ARHGEF4: variants seen among roughly 807,000 people sequenced by gnomAD.
ARHGEF4 encodes the protein APC-stimulated guanine nucleotide exchange factor 1.
A neutral mutation model predicts 162.0 loss-of-function variants in ARHGEF4; 119 were observed. The ratio of observed to expected loss-of-function variants is 0.73; its 90% CI spans 0.63 to 0.86. ARHGEF4 has a LOEUF of 0.86. Among genes scored for constraint, ARHGEF4 ranks in the 40% least tolerant of loss-of-function variants. The probability of loss-of-function intolerance (pLI) is 0.00; values close to 1 mark genes in which losing one functional copy is unlikely to be tolerated. For synonymous variants in ARHGEF4, 1,014 were observed against 979.9 expected (o/e 1.03, Z -0.65); for missense variants, 2,488 against 2,456.0 (o/e 1.01, Z -0.28).
At chr2:131,045,215 T>A (rs1004375085) in intron 12 of ARHGEF4, among the ~76,000 whole-genome samples, 154 bp from the exon 13 acceptor site, 1 of 152,194 alleles carries the variant, frequency 6.6e-6, no homozygotes, top group African/African-American at 2.4e-5. Flanking sequence ...CAAGGCAGGC[T>A]GACTGTGCAG....
intron 3 of ARHGEF4, among the ~76,000 whole-genome samples, chr2:130,935,595 T>C (rs1185574478): frequency 2.6e-5 from 4 of 152,226 alleles, no homozygotes; most frequent in African/African-American, 7.2e-5. Flanking sequence ...TCTCACAGTA[T>C]TTTCTAATTT....
chr2:130,892,243 G>C lies in ARHGEF4; in HGVS notation c.40-21743G>C, dbSNP rs369416264. Among the ~76,000 whole-genome samples, 46 of 152,326 alleles carry C rather than the reference G, an allele frequency of 3.0e-4. No homozygotes were observed. The East Asian group carries it at 6.4e-3, about 21-fold the overall frequency. ...AAGAGTGTTTGTGTCTTGCAGCTCT[G>C]ACAGAGCACAAAGAGCACTTCTGCG... On this transcript the variant is annotated intron_variant, in intron 1 of 13. Transcript: ENST00000409359.
intron 1 of ARHGEF4, among the ~76,000 whole-genome samples, chr2:130,901,727 G>T (rs928165115): frequency 6.6e-6 from 1 of 152,054 alleles, no homozygotes; most frequent in Non-Finnish European, 1.5e-5. Flanking sequence ...CGCCATGTTG[G>T]CCAGGCTGGT....
At chr2:130,970,521 G>A (rs543944074) in intron 4 of ARHGEF4, among the ~76,000 whole-genome samples, 3 of 151,870 alleles carry the variant, frequency 2.0e-5, no homozygotes, top group South Asian at 2.1e-4. Context: ...CCCGGGAGGC[G>A]GAGGTTGCAG....
In ARHGEF4 at chr2:130,916,190, G is replaced by T. The variant is rs994031319; in HGVS notation, c.2244G>T (p.Glu748Asp). The change falls in exon 2 of 14, where the codon GAG (glutamate) becomes GAT (aspartate). Residue 748 changes from glutamate (E) to aspartate (D), a missense_variant. By Grantham distance (45) the Glu-to-Asp change is conservative. Coordinates refer to ENST00000409359, the MANE Select transcript of ARHGEF4 (RefSeq NM_001367493.1). The stretch of plus-strand genomic sequence containing the variant: ...AGAGCCGGAGCTCCGGGTCAGGGGA[G>T]CGTGGCCCGGAGGAGGCCCCCGAAG... Reference protein sequence around the residue: ...RGESRSSGSGERGPEEAPEGG... With the variant: ...RGESRSSGSGDRGPEEAPEGG... 1.9e-6 allele frequency: 3 copies of T among 1,548,016 alleles called. No individual in the cohort carries two copies. The highest frequency in any genetic ancestry group is 2.6e-6 in the Non-Finnish European group (3 of 1,146,682).
At chr2:131,022,155 A>G (rs1355512010) in intron 4 of ARHGEF4, among the ~76,000 whole-genome samples, 2 of 152,142 alleles carry the variant, frequency 1.3e-5, no homozygotes, top group Admixed American at 6.5e-5. Flanking sequence ...AGCAATAGTG[A>G]TGTTATAGAA....
rs1214546418 is a variant in ARHGEF4, at chr2:131,047,243, A to G, written c.*1054A>G. On this transcript the variant is annotated 3_prime_UTR_variant, in exon 14 of 14. Coordinates refer to ENST00000409359, the MANE Select transcript of ARHGEF4 (RefSeq NM_001367493.1). Reference sequence around the variant, plus strand: ...CACATTTAATTTCATAAATAAATTTATGAAAAGTAACCTGGCTGCTAGCCC... The same window carrying G: ...CACATTTAATTTCATAAATAAATTTGTGAAAAGTAACCTGGCTGCTAGCCC... 1 of 152,210 alleles carries G rather than the reference A, an allele frequency of 6.6e-6. No individual in the cohort carries two copies. The highest frequency in any genetic ancestry group is 1.5e-5 in the Non-Finnish European group (1 of 68,044). The allele number at this position is 152,210 out of a possible 1,614,324, so 9.4% of individuals were successfully genotyped here.
intron 3 of ARHGEF4, among the ~76,000 whole-genome samples, chr2:130,941,565 C>T (rs551452942): frequency 2.6e-5 from 4 of 152,060 alleles, no homozygotes; most frequent in African/African-American, 9.6e-5. Flanking sequence ...TGACCAGAAG[C>T]CTTGTTGATA....
intron 1 of ARHGEF4, among the ~76,000 whole-genome samples, chr2:130,894,909 A>G (rs1680069394): frequency 6.6e-6 from 1 of 152,208 alleles, no homozygotes; most frequent in South Asian, 2.1e-4. Flanking sequence ...TATGGAGATT[A>G]CATCAGGGAT....
intron 1 of ARHGEF4, among the ~76,000 whole-genome samples, chr2:130,897,922 C>T (rs933094182): frequency 2.0e-5 from 3 of 152,144 alleles, no homozygotes; most frequent in Non-Finnish European, 2.9e-5. Context: ...AAATACCGGG[C>T]GACAGAAACT....
intron 1 of ARHGEF4, among the ~76,000 whole-genome samples, chr2:130,864,598 C>T (rs1215590634): frequency 6.6e-6 from 1 of 152,146 alleles, no homozygotes; most frequent in African/African-American, 2.4e-5. Context: ...GTGGTGCACC[C>T]CTGTAATCTC....
intron 3 of ARHGEF4, among the ~76,000 whole-genome samples, chr2:130,939,622 A>C (rs113106784): frequency 0.056 from 8,577 of 152,272 alleles, 370 homozygotes; most frequent in Non-Finnish European, 0.081. Flanking sequence ...TCTTGTCTAC[A>C]AATGCTTTGC....
chr2:130,855,018 C>T (rs568340630), intron 1 of ARHGEF4, among the ~76,000 whole-genome samples: 47 of 151,648 alleles, frequency 3.1e-4, no homozygotes, highest in African/African-American at 1.1e-3. Flanking sequence ...GGACAACAGG[C>T]GCCCGCGACC....
rs534781124 is a variant in ARHGEF4, at chr2:130,986,641, G to A, written c.3985+40006G>A. Among the ~76,000 whole-genome samples, 5 of 152,268 alleles carry A rather than the reference G, an allele frequency of 3.3e-5. No individual in the cohort carries two copies. The South Asian group carries it at 6.2e-4, about 19-fold the overall frequency. ...GGGGCAGCCAGGGTGACCACCGGAC[G>A]GTCTTGGGACCCTCCACCAGCAGCA... On this transcript the variant is annotated intron_variant, in intron 4 of 13. Coordinates refer to ENST00000409359, the MANE Select transcript of ARHGEF4 (RefSeq NM_001367493.1).
chr2:130,857,126 G>A (rs1681849931), intron 1 of ARHGEF4, among the ~76,000 whole-genome samples: 1 of 152,204 alleles, frequency 6.6e-6, no homozygotes, highest in Non-Finnish European at 1.5e-5. Flanking sequence ...CAGCTACTTG[G>A]GAGGCTGAGG....
chr2:131,024,315 G>A (rs934123375), intron 4 of ARHGEF4, among the ~76,000 whole-genome samples: 1 of 152,086 alleles, frequency 6.6e-6, no homozygotes, highest in Non-Finnish European at 1.5e-5. Flanking sequence ...TTGCTCCATC[G>A]CCCAGGTTGG....
rs1691249547 is a variant in ARHGEF4 at position 131,046,220 on chromosome 2, C to T, written c.*31C>T. ...TCCCTGCCTGACAGCACCTGCTGGG[C>T]CTTCCTGCCAGTGGCCCCCAGTTTT... On this transcript the variant is annotated 3_prime_UTR_variant, in exon 14 of 14. Coordinates refer to ENST00000409359, the MANE Select transcript of ARHGEF4 (RefSeq NM_001367493.1). The T allele has an allele frequency of 6.3e-7, 1 of 1,583,744 alleles. No homozygotes were observed.
intron 4 of ARHGEF4, chr2:131,011,821 G>T (rs1227935491): frequency 1.3e-6 from 1 of 750,900 alleles, no homozygotes; most frequent in African/African-American, 1.7e-5. Flanking sequence ...TCAGGGTATT[G>T]TGCAGAGGGA....
chr2:130,950,923 T>A (rs1198431964), intron 4 of ARHGEF4, among the ~76,000 whole-genome samples: 1 of 152,212 alleles, frequency 6.6e-6, no homozygotes, highest in Non-Finnish European at 1.5e-5. Flanking sequence ...TATTTATTCA[T>A]CCACTGATGA....
Sources: allele counts gnomAD v4.1 joint callset (sites outside exome capture counted in the v4.1 genomes callset), GRCh38; gene constraint gnomAD v4.1.1; transcripts MANE v1.5; gene names NCBI Gene and HGNC (gene_info 2026-07-23, HGNC 2026-07-21).